EIF4G3: variants seen among roughly 807,000 people sequenced by gnomAD.
The protein encoded by EIF4G3 is eIF-4-gamma 3.
In EIF4G3, 34 loss-of-function variants were observed where a neutral mutation model predicts 186.4. The ratio of observed to expected loss-of-function variants is 0.18; its 90% CI spans 0.14 to 0.24. EIF4G3 has a LOEUF of 0.24. EIF4G3 is among the 10% of genes least tolerant of loss of function. The pLI is 1.00. For missense variants in EIF4G3, 1,536 were observed against 1,948.5 expected, an observed-to-expected ratio of 0.79 and a Z score of 3.99; for synonymous variants, 673 against 679.5, an observed-to-expected ratio of 0.99 and a Z score of 0.15.
At chr1:20,982,331 T>A (rs964186786) in intron 8 of EIF4G3, 57 bp downstream of exon 8, 10 of 1,285,000 alleles carry the variant, frequency 7.8e-6, no homozygotes, top group Non-Finnish European at 1.1e-5. Flanking sequence ...TCAATCTCAA[T>A]GTAATAATAA....
chr1:21,054,886 T>C (rs2094493098), intron 3 of EIF4G3, among the ~76,000 whole-genome samples: 1 of 152,168 alleles, frequency 6.6e-6, no homozygotes, highest in Admixed American at 6.5e-5. Flanking sequence ...GACACATAAA[T>C]GATGCTACCA....
At chr1:21,154,582 T>C (rs2097605745) in intron 2 of EIF4G3, among the ~76,000 whole-genome samples, 2 of 152,208 alleles carry the variant, frequency 1.3e-5, no homozygotes, top group Non-Finnish European at 2.9e-5. Context: ...AGTGAAAGAC[T>C]AAACTGAAAA....
chr1:20,877,500 T>C (rs2081211474), intron 20 of EIF4G3, among the ~76,000 whole-genome samples: 1 of 152,202 alleles, frequency 6.6e-6, no homozygotes, highest in African/African-American at 2.4e-5. Context: ...AAAAATAATA[T>C]GTATATATAA....
chr1:21,053,551 T>G, intron 3 of EIF4G3, among the ~76,000 whole-genome samples: 1 of 133,072 alleles, frequency 7.5e-6, no homozygotes, highest in Non-Finnish European at 1.6e-5. Context: ...GGTGGGGGGG[T>G]CAGCCCCCCG....
chr1:20,981,239 AG>A lies in EIF4G3; in HGVS notation c.199-13del. Reference sequence around the variant, plus strand: ...GGCCTCTGGAAAAACTGGGAAGGGGAGAAAAAAAAAATTTTTTTTTTTTTTT... The same window carrying A: ...GGCCTCTGGAAAAACTGGGAAGGGGAAAAAAAAAAATTTTTTTTTTTTTTT... On this transcript the variant is annotated splice_polypyrimidine_tract_variant and intron_variant, in intron 8 of 36. Transcript: ENST00000602326. 13 of 1,545,972 alleles carry A rather than the reference AG, an allele frequency of 8.4e-6. No homozygotes were observed. The highest frequency in any genetic ancestry group is 8.3e-5 in the Admixed American group (4 of 48,298).
At chr1:20,951,183 G>C (rs944990008) in intron 12 of EIF4G3, among the ~76,000 whole-genome samples, 7 of 151,916 alleles carry the variant, frequency 4.6e-5, no homozygotes, top group Non-Finnish European at 7.4e-5. Flanking sequence ...AAGTCAGTAA[G>C]TGTCACTTAA....
intron 3 of EIF4G3, among the ~76,000 whole-genome samples, chr1:21,068,394 A>AAAAAAAAAAAAAAAAAAAAAAAAT (rs1572033310): frequency 6.7e-6 from 1 of 149,638 alleles, no homozygotes; most frequent in Non-Finnish European, 1.5e-5. Flanking sequence ...AAAAAAAAAA[A>AAAAAAAAAAAAAAAAAAAAAAAAT]AAAAAACAGA....
intron 4 of EIF4G3, among the ~76,000 whole-genome samples, chr1:21,042,385 T>C (rs2093635202): frequency 6.6e-6 from 1 of 152,234 alleles, no homozygotes; most frequent in African/African-American, 2.4e-5. Flanking sequence ...AATCTCTCTT[T>C]ACTATTCATT....
chr1:20,963,209 T>C (rs2073822223), intron 12 of EIF4G3, among the ~76,000 whole-genome samples: 1 of 152,198 alleles, frequency 6.6e-6, no homozygotes, highest in Admixed American at 6.5e-5. Context: ...AGTATCTACA[T>C]ATATTTTGTG....
At chr1:21,056,922 T>C (rs762081944) in intron 3 of EIF4G3, among the ~76,000 whole-genome samples, 18 of 152,250 alleles carry the variant, frequency 1.2e-4, no homozygotes, top group Non-Finnish European at 2.4e-4. Flanking sequence ...CCATTTCTTG[T>C]AGTGCAATAT....
chr1:21,052,897 G>C (rs1235264960), intron 3 of EIF4G3, among the ~76,000 whole-genome samples: 2 of 152,262 alleles, frequency 1.3e-5, no homozygotes. Flanking sequence ...ATGGTGCCCA[G>C]GCTGGAGTGC....
At chr1:20,819,616 T>C (rs1051319546) in intron 33 of EIF4G3, among the ~76,000 whole-genome samples, 5 of 152,164 alleles carry the variant, frequency 3.3e-5, no homozygotes, top group African/African-American at 9.7e-5. Context: ...TTCTCACTTA[T>C]AGGTGGGAGC....
chr1:21,132,620 T>G (rs1438771038), intron 2 of EIF4G3, among the ~76,000 whole-genome samples: 1 of 151,914 alleles, frequency 6.6e-6, no homozygotes, highest in East Asian at 1.9e-4. Flanking sequence ...TTTATTTTTT[T>G]GTAGAGATGG....
In EIF4G3 at chr1:20,813,192, A is replaced by G. The variant is rs1227662442; in HGVS notation, c.4563T>C (p.Ala1521=). ...CTGCTTTACAAACAGCAGTCATTAA[A>G]GCTCTAAGGAATGTAGGTGAACTCA... ...IQMSSPTFLR[A]LMTAVCKAAI... is the part of the protein sequence containing the mutation. The change falls in exon 35 of 37, where the codon GCT becomes GCC. Residue 1521 remains alanine (A), a synonymous_variant. Transcript: ENST00000602326. The G allele has an allele frequency of 6.2e-7, 1 of 1,613,766 alleles. No homozygotes were observed. The highest frequency in any genetic ancestry group is 1.3e-5 in the African/African-American group (1 of 74,904).
intron 2 of EIF4G3, among the ~76,000 whole-genome samples, chr1:21,129,914 T>A (rs533634660): frequency 6.6e-6 from 1 of 152,042 alleles, no homozygotes; most frequent in South Asian, 2.1e-4. Flanking sequence ...CAAAGCCACA[T>A]CTATGAGGCC....
At chr1:21,093,250 A>G (rs2096259129) in intron 2 of EIF4G3, among the ~76,000 whole-genome samples, 1 of 152,230 alleles carries the variant, frequency 6.6e-6, no homozygotes, top group Admixed American at 6.5e-5. Context: ...AAACAAATTT[A>G]CAAGAAAAAA....
At chr1:20,972,079 G>A (rs534883458) in intron 11 of EIF4G3, among the ~76,000 whole-genome samples, 2 of 152,194 alleles carry the variant, frequency 1.3e-5, no homozygotes, top group East Asian at 3.9e-4. Flanking sequence ...GGAATTGCAA[G>A]CCACTCTTCT....
intron 4 of EIF4G3, among the ~76,000 whole-genome samples, chr1:21,007,606 T>C (rs1338827978): frequency 6.8e-6 from 1 of 146,764 alleles, no homozygotes; most frequent in Non-Finnish European, 1.5e-5. Flanking sequence ...GATTATGTAC[T>C]TAGTCACTGA....
intron 4 of EIF4G3, among the ~76,000 whole-genome samples, chr1:21,010,419 CAAA>C (rs11318361): frequency 1.1e-4 from 11 of 101,164 alleles, no homozygotes; most frequent in Non-Finnish European, 4.0e-5. Context: ...GACTCTGTCT[CAAA>C]AAAAAAAAAA....
Sources: gnomAD v4.1 joint callset for allele counts (sites outside exome capture counted in the v4.1 genomes callset) on GRCh38, gnomAD v4.1.1 for gene constraint, MANE v1.5 for transcripts, NCBI Gene and HGNC (gene_info 2026-07-23, HGNC 2026-07-21) for gene names.